Variants in IMMP2L observed in about 807,000 individuals in gnomAD.
The protein encoded by IMMP2L is mitochondrial inner membrane protease subunit 2.
IMMP2L carries 18 observed loss-of-function variants against 19.3 expected under a neutral mutation model. The ratio of observed to expected loss-of-function variants is 0.93; its 90% confidence interval spans 0.64 to 1.38. The LOEUF is 1.38. Ranked by LOEUF, IMMP2L falls within the 40% of genes most tolerant of loss-of-function variation. The pLI, the probability that IMMP2L is intolerant of heterozygous loss-of-function variation, is 0.00. For synonymous variants in IMMP2L, 76 were observed against 73.0 expected (o/e 1.04, Z -0.21); for missense variants, 233 against 218.2 (o/e 1.07, Z -0.43).
chr7:111,538,705 G>A (rs1848124431), intron 1 of IMMP2L, among the ~76,000 whole-genome samples: 2 of 150,580 alleles, frequency 1.3e-5, no homozygotes, highest in South Asian at 4.2e-4. Flanking sequence ...AGCTACTCAG[G>A]AGGCTGAGGT....
intron 3 of IMMP2L, among the ~76,000 whole-genome samples, chr7:111,023,395 C>A (rs1198992318): frequency 6.6e-6 from 1 of 152,056 alleles, no homozygotes. Context: ...TCCTTTCAAA[C>A]AAATATAAAT....
chr7:111,446,492 G>C (rs954668720), intron 3 of IMMP2L, among the ~76,000 whole-genome samples: 3 of 150,254 alleles, frequency 2.0e-5, no homozygotes, highest in African/African-American at 7.5e-5. Context: ...CTGCAGCTGA[G>C]GGTCCTGTCT....
At chr7:110,750,431 A>T (rs1000674084) in intron 5 of IMMP2L, among the ~76,000 whole-genome samples, 1 of 152,100 alleles carries the variant, frequency 6.6e-6, no homozygotes, top group Non-Finnish European at 1.5e-5. Flanking sequence ...ATCTATTGGG[A>T]TATTCTTGGA....
At chr7:111,196,885 T>C (rs1386972203) in intron 3 of IMMP2L, among the ~76,000 whole-genome samples, 1 of 152,150 alleles carries the variant, frequency 6.6e-6, no homozygotes, top group Non-Finnish European at 1.5e-5. Flanking sequence ...TAACAGGGCA[T>C]ACAAAATTGA....
intron 4 of IMMP2L, among the ~76,000 whole-genome samples, chr7:110,907,460 C>T (rs1210431823): frequency 2.0e-5 from 3 of 152,104 alleles, no homozygotes; most frequent in Admixed American, 2.0e-4. Flanking sequence ...GCTTCTCCTC[C>T]TCTCTACTGG....
intron 5 of IMMP2L, among the ~76,000 whole-genome samples, chr7:110,721,672 AT>A (rs1478831374): frequency 6.6e-6 from 1 of 152,090 alleles, no homozygotes; most frequent in East Asian, 1.9e-4. Context: ...ATAACCATTA[AT>A]TTTCATTTTT....
chr7:111,252,750 A>T (rs144545375), intron 3 of IMMP2L, among the ~76,000 whole-genome samples: 337 of 152,298 alleles, frequency 2.2e-3, no homozygotes, highest in African/African-American at 7.0e-3. Flanking sequence ...TTATGCAAAC[A>T]TATCTTTTGA....
chr7:111,072,485 C>G (rs1446914801), intron 3 of IMMP2L, among the ~76,000 whole-genome samples: 1 of 151,870 alleles, frequency 6.6e-6, no homozygotes, highest in Non-Finnish European at 1.5e-5. Flanking sequence ...AAATGTGTAA[C>G]CTCAATCCAT....
intron 3 of IMMP2L, among the ~76,000 whole-genome samples, chr7:111,011,810 A>G (rs1182294898): frequency 6.6e-6 from 1 of 152,180 alleles, no homozygotes; most frequent in Non-Finnish European, 1.5e-5. Flanking sequence ...CTCACCAGGA[A>G]GAAAATGTGC....
chr7:111,433,816 A>T (rs1172235408), intron 3 of IMMP2L, among the ~76,000 whole-genome samples: 1 of 151,788 alleles, frequency 6.6e-6, no homozygotes, highest in African/African-American at 2.4e-5. Context: ...ATTTTTAAAA[A>T]TCCCATAACC....
intron 5 of IMMP2L, among the ~76,000 whole-genome samples, chr7:110,779,810 C>T (rs565479738): frequency 2.6e-4 from 40 of 151,726 alleles, no homozygotes; most frequent in African/African-American, 9.4e-4. Flanking sequence ...CATCCATGTG[C>T]CATGCTGATA....
rs182719162 is a variant in IMMP2L at position 111,398,044 on chromosome 7, A to G, written c.239+89194T>C. On this transcript the variant is annotated intron_variant, in intron 3 of 5. Transcript: ENST00000405709. ...ATCTGAAATGCATTTTGTATACAGA[A>G]TTGGAGAGAGCTAATCATGTTTTTT... Among the ~76,000 whole-genome samples the G allele has an allele frequency of 3.0e-4, 45 of 152,282 alleles. No homozygotes were observed. The East Asian group carries it at 8.5e-3, about 29-fold the overall frequency.
At chr7:111,389,433 G>C (rs1371794800) in intron 3 of IMMP2L, among the ~76,000 whole-genome samples, 2 of 151,918 alleles carry the variant, frequency 1.3e-5, no homozygotes, top group Non-Finnish European at 2.9e-5. Context: ...TATTTTGGTG[G>C]TTATACTGAG....
chr7:110,961,573 T>C (rs1818945884), intron 4 of IMMP2L, among the ~76,000 whole-genome samples: 1 of 151,666 alleles, frequency 6.6e-6, no homozygotes, highest in Admixed American at 6.6e-5. Flanking sequence ...GAAATGAGAA[T>C]ATGTTTCCAC....
chr7:111,468,523 G>C (rs1427726828), intron 3 of IMMP2L, among the ~76,000 whole-genome samples: 1 of 152,030 alleles, frequency 6.6e-6, no homozygotes, highest in East Asian at 1.9e-4. Flanking sequence ...TTTTAGAGGA[G>C]AGAGAACTAT....
At chr7:111,455,349 C>A (rs1190765605) in intron 3 of IMMP2L, among the ~76,000 whole-genome samples, 1 of 151,558 alleles carries the variant, frequency 6.6e-6, no homozygotes, top group Non-Finnish European at 1.5e-5. Flanking sequence ...GTCTTTGATA[C>A]CCATTCTTTT....
intron 2 of IMMP2L, among the ~76,000 whole-genome samples, chr7:111,506,420 C>A (rs1215503426): frequency 6.6e-6 from 1 of 151,554 alleles, no homozygotes; most frequent in Admixed American, 6.6e-5. Context: ...CTTCTTTTTT[C>A]TTTTTCTTGC....
chr7:111,520,272 G>A lies in IMMP2L; in HGVS notation c.135+1041C>T, dbSNP rs1045872678. 4.6e-5 allele frequency among the ~76,000 whole-genome samples: 7 copies of A among 152,158 alleles called. 1 individual carries two copies. Among genetic ancestry groups the A allele is most frequent in the Admixed American group, 2.6e-4 (4 of 15,274 alleles). On this transcript the variant is annotated intron_variant, in intron 2 of 5. Coordinates refer to ENST00000405709, the MANE Select transcript of IMMP2L (RefSeq NM_032549.4). ...ACTATGGAGAGAACCTGAAAGACACGGTTGAGAGCAGAATCTTCTGCCCAA... is the reference window on the plus strand; with the variant it reads ...ACTATGGAGAGAACCTGAAAGACACAGTTGAGAGCAGAATCTTCTGCCCAA...
At chr7:111,470,170 A>G (rs1281929643) in intron 3 of IMMP2L, among the ~76,000 whole-genome samples, 4 of 152,180 alleles carry the variant, frequency 2.6e-5, no homozygotes, top group Non-Finnish European at 5.9e-5. Context: ...CAAAACCACA[A>G]TGAGATACCA....
Sources: allele counts gnomAD v4.1 joint callset (sites outside exome capture counted in the v4.1 genomes callset), GRCh38; gene constraint gnomAD v4.1.1; transcripts MANE v1.5; gene names NCBI Gene and HGNC (gene_info 2026-07-23, HGNC 2026-07-21).